Variants in RAPGEF1 observed in about 807,000 individuals in gnomAD.
The protein encoded by RAPGEF1 is CRK SH3-binding GNRP.
In RAPGEF1, 33 loss-of-function variants were observed where a neutral mutation model predicts 143.3. The ratio of observed to expected loss-of-function variants is 0.23; its 90% CI spans 0.17 to 0.31. RAPGEF1 has a LOEUF of 0.31. Ranked by LOEUF, RAPGEF1 falls within the 10% of genes least tolerant of loss-of-function variation. The pLI is 1.00. For synonymous variants in RAPGEF1, 629 were observed against 676.5 expected, an observed-to-expected ratio of 0.93 and a Z score of 1.09; for missense variants, 1,199 against 1,645.4, an observed-to-expected ratio of 0.73 and a Z score of 4.69.
At chr9:131,689,622 T>G (rs909908788) in intron 1 of RAPGEF1, among the ~76,000 whole-genome samples, 3 of 151,998 alleles carry the variant, frequency 2.0e-5, no homozygotes, top group African/African-American at 7.2e-5. Flanking sequence ...CACTGCAACC[T>G]CTGCCTCCTG....
chr9:131,630,991 T>G lies in RAPGEF1; in HGVS notation c.652-667A>C, dbSNP rs193200057. Reference sequence around the variant, plus strand: ...ATGCATTTTTTCCCAGTTTGATGAGTTTTGACAACTGCATATACCCAAGTA... The same window carrying G: ...ATGCATTTTTTCCCAGTTTGATGAGGTTTGACAACTGCATATACCCAAGTA... On this transcript the variant is annotated intron_variant, in intron 5 of 26. Coordinates refer to ENST00000683357, the MANE Select transcript of RAPGEF1 (RefSeq NM_001377935.1). Among the ~76,000 whole-genome samples the G allele has an allele frequency of 2.5e-3, 377 of 151,586 alleles. 1 individual carries two copies. The highest frequency in any genetic ancestry group is 3.6e-3 in the Non-Finnish European group (247 of 67,884).
In RAPGEF1 at chr9:131,626,203, G is replaced by T. The variant is rs1423362180; in HGVS notation, c.1421C>A (p.Pro474His). 3.1e-6 allele frequency: 5 copies of T among 1,613,820 alleles called. No homozygotes were observed. The Admixed American group carries it at 8.3e-5, about 27-fold the overall frequency. Residue 474 changes from proline to histidine, a missense_variant, in exon 10 of 27, where the codon CCC becomes CAC. Pro to His is a moderately conservative substitution (Grantham distance 77). Transcript: ENST00000683357. ...GQQTDTPPAL[P>H]EKKRRSAASQ... ...GGCTGCGCTCCTGCGCTTCTTCTCG[G>T]GGAGAGCAGGTGGCGTATCTGTCTG...
At chr9:131,729,259 A>G (rs879288072) in intron 1 of RAPGEF1, among the ~76,000 whole-genome samples, 1 of 146,350 alleles carries the variant, frequency 6.8e-6, no homozygotes, top group Non-Finnish European at 1.5e-5. Flanking sequence ...GCTGACTGTC[A>G]GTTCCCCAAG....
chr9:131,731,164 G>A (rs1837048145), intron 1 of RAPGEF1, among the ~76,000 whole-genome samples: 1 of 152,154 alleles, frequency 6.6e-6, no homozygotes, highest in African/African-American at 2.4e-5. Flanking sequence ...CTCCTCTGTA[G>A]GATGAGAACA....
At chr9:131,720,601 A>G (rs1836194816) in intron 1 of RAPGEF1, among the ~76,000 whole-genome samples, 1 of 152,180 alleles carries the variant, frequency 6.6e-6, no homozygotes, top group Admixed American at 6.5e-5. Flanking sequence ...GACAGCGACC[A>G]CCTGGCCCCA....
intron 25 of RAPGEF1, among the ~76,000 whole-genome samples, chr9:131,582,134 A>G (rs1951955350): frequency 6.6e-6 from 1 of 152,172 alleles, no homozygotes; most frequent in Non-Finnish European, 1.5e-5. Flanking sequence ...CTCAGGAAGC[A>G]CTTTCTGAAC....
chr9:131,709,770 A>G (rs576284008), intron 1 of RAPGEF1: 5 of 1,600,424 alleles, frequency 3.1e-6, no homozygotes, highest in East Asian at 4.5e-5. Flanking sequence ...CTGAAAGGGG[A>G]TATCTCTTGG....
Position 131,628,141 on chromosome 9 carries a change from C to G in RAPGEF1, c.1018-45G>C. On this transcript the variant is annotated intron_variant, in intron 8 of 26. Coordinates refer to ENST00000683357, the MANE Select transcript of RAPGEF1 (RefSeq NM_001377935.1). This position sits in a 1 kb window ranked among gnomAD's most constrained non-coding sequence, Gnocchi z 5.7. ...ACAAAGCCAAATCACTTCTGAGAAA[C>G]GGTGGCACAGACCAGGGGTGAGGCA... 6.1e-6 allele frequency: 9 copies of G among 1,470,192 alleles called. No individual in the cohort carries two copies. The highest frequency in any genetic ancestry group is 8.1e-6 in the Non-Finnish European group (9 of 1,105,650). The allele number at this position is 1,470,192 out of a possible 1,614,324, so 91.1% of individuals were successfully genotyped here.
chr9:131,627,198 A>C (rs1320464878), intron 9 of RAPGEF1, among the ~76,000 whole-genome samples: 6 of 132,620 alleles, frequency 4.5e-5, no homozygotes, highest in African/African-American at 1.2e-4. Flanking sequence ...TGGGTGACAG[A>C]GTGAGGCTCT....
At position 131,583,466 on chromosome 9, in the gene RAPGEF1, G is replaced by A. The variant is rs1355907190; in HGVS notation, c.3415-764C>T. 6.8e-6 allele frequency among the ~76,000 whole-genome samples: 1 copy of A among 147,934 alleles called. No homozygotes were observed. The highest frequency in any genetic ancestry group is 1.5e-5 in the Non-Finnish European group (1 of 67,010). On this transcript the variant is annotated intron_variant, in intron 24 of 26. Coordinates refer to ENST00000683357, the MANE Select transcript of RAPGEF1 (RefSeq NM_001377935.1). This position sits in a 1 kb window ranked among gnomAD's most constrained non-coding sequence, Gnocchi z 4.7. ...TGGGTCACACTCGGGTTCCTGACAC[G>A]ACCCCCAGGTGGCCTGGCTGACGCT...
intron 1 of RAPGEF1, among the ~76,000 whole-genome samples, chr9:131,679,839 G>A (rs1832761013): frequency 6.6e-6 from 1 of 152,228 alleles, no homozygotes; most frequent in African/African-American, 2.4e-5. Context: ...CCCTGCCACA[G>A]GGGCCTCTTC....
chr9:131,582,310 C>T (rs1201335160), intron 25 of RAPGEF1, among the ~76,000 whole-genome samples: 2 of 149,970 alleles, frequency 1.3e-5, no homozygotes, highest in East Asian at 1.9e-4. Flanking sequence ...GGGCAGGCTA[C>T]AGAAGGAAAT....
intron 5 of RAPGEF1, among the ~76,000 whole-genome samples, chr9:131,632,266 C>T (rs1042448899): frequency 4.0e-5 from 6 of 151,382 alleles, no homozygotes; most frequent in Non-Finnish European, 7.4e-5. Context: ...GTAGCTGGGA[C>T]TACAGGCACC....
chr9:131,665,627 C>T (rs375996173), intron 1 of RAPGEF1, among the ~76,000 whole-genome samples: 18 of 152,126 alleles, frequency 1.2e-4, no homozygotes, highest in African/African-American at 4.3e-4. Context: ...TGATTTGCAC[C>T]CAACCATGTG....
chr9:131,719,582 A>G (rs895692191), intron 1 of RAPGEF1, among the ~76,000 whole-genome samples: 1 of 110,422 alleles, frequency 9.1e-6, no homozygotes, highest in African/African-American at 3.7e-5. Context: ...TTTTTTTGAG[A>G]CAGTCTCACT....
intron 1 of RAPGEF1, among the ~76,000 whole-genome samples, chr9:131,709,074 C>T (rs953172682): frequency 1.3e-5 from 2 of 152,108 alleles, no homozygotes; most frequent in African/African-American, 4.8e-5. Context: ...TTCAGCCAGG[C>T]GCGGTGGCTC....
chr9:131,733,841 A>G (rs1728234253), intron 1 of RAPGEF1, among the ~76,000 whole-genome samples: 1 of 152,170 alleles, frequency 6.6e-6, no homozygotes, highest in African/African-American at 2.4e-5. Flanking sequence ...ATTTTTCTGC[A>G]AGCTCACACA....
chr9:131,731,533 C>T (rs112470220), intron 1 of RAPGEF1, among the ~76,000 whole-genome samples: 2,397 of 152,342 alleles, frequency 0.016, 91 homozygotes, highest in Admixed American at 0.078. Context: ...TCTTCTCATT[C>T]CATGTCCTTC....
chr9:131,588,531 C>T (rs1030079945), intron 20 of RAPGEF1, among the ~76,000 whole-genome samples: 22 of 152,318 alleles, frequency 1.4e-4, no homozygotes, highest in Admixed American at 1.4e-3. Flanking sequence ...CAGAACTGAC[C>T]ACAGCCCAGG....
Sources: allele counts gnomAD v4.1 joint callset (sites outside exome capture counted in the v4.1 genomes callset), GRCh38; gene constraint gnomAD v4.1.1; non-coding constraint Gnocchi (gnomAD v3.1); transcripts MANE v1.5; gene names NCBI Gene and HGNC (gene_info 2026-07-23, HGNC 2026-07-21).